Variants in ECM2 observed in about 807,000 individuals in gnomAD.
ECM2 encodes extracellular matrix protein 2, female organ and adipocyte specific.
A neutral mutation model predicts 67.5 loss-of-function variants in ECM2; 57 were observed. That is an observed-to-expected ratio of 0.84 (90% CI 0.68 to 1.05). The LOEUF is 1.05. Ranked by LOEUF, ECM2 falls within the 50% of genes least tolerant of loss-of-function variation. ECM2 has a pLI of 0.00. For synonymous variants in ECM2, 258 were observed against 294.5 expected (o/e 0.88, Z 1.27); for missense variants, 741 against 822.8 (o/e 0.90, Z 1.22).
chr9:92,531,986 C>G lies in ECM2; in HGVS notation c.-28+3947G>C, dbSNP rs561763154. ...TATTTTATTGTTGCCTTCTTCCCACCTACTTTTCTTTTTCTTTTTTTATTT... is the reference window on the plus strand; with the variant it reads ...TATTTTATTGTTGCCTTCTTCCCACGTACTTTTCTTTTTCTTTTTTTATTT... On this transcript the variant is annotated intron_variant, in intron 1 of 9. Coordinates refer to ENST00000344604, the MANE Select transcript of ECM2 (RefSeq NM_001393.4). Among the ~76,000 whole-genome samples, 8 of 130,310 alleles carry G rather than the reference C, an allele frequency of 6.1e-5. No individual in the cohort carries two copies. In the South Asian group the frequency reaches 2.0e-3, roughly 32 times the overall value. 85.5% of individuals were successfully genotyped at this position (130,310 alleles called of 152,430 possible).
chr9:92,500,965 C>G lies in ECM2; in HGVS notation c.1693G>C (p.Gly565Arg). Residue 565 changes from glycine (G) to arginine (R), a missense_variant, in exon 9 of 10, where the codon GGG becomes CGG. Physicochemically the swap from Gly to Arg is moderately radical, Grantham distance 125. Transcript: ENST00000344604. ...CCAGGGATCCGTTCAATCTGGTTCCCAAGGAGTACTAGGTGCAGCAAGGAC... is the reference window on the plus strand; with the variant it reads ...CCAGGGATCCGTTCAATCTGGTTCCGAAGGAGTACTAGGTGCAGCAAGGAC... ...PKSLLHLVLL[G>R]NQIERIPGYV... 6.2e-6 allele frequency: 10 copies of G among 1,614,142 alleles called. No homozygotes were observed. Among genetic ancestry groups the G allele is most frequent in the Non-Finnish European group, 6.8e-6 (8 of 1,180,036 alleles).
chr9:92,509,737 T>G (rs147587978), intron 6 of ECM2, among the ~76,000 whole-genome samples, 162 bp downstream of exon 6: 149 of 152,352 alleles, frequency 9.8e-4, no homozygotes, highest in African/African-American at 3.3e-3. Flanking sequence ...ATTTTACGTT[T>G]TACCAGTCAA....
the ECM2 span, among the ~76,000 whole-genome samples, chr9:92,551,783 C>T: frequency 6.6e-6 from 1 of 151,594 alleles, no homozygotes. Flanking sequence ...TTTGGTTTTC[C>T]ATTCCTGAGT....
chr9:92,549,249 G>T, the ECM2 span, among the ~76,000 whole-genome samples: 1 of 152,156 alleles, frequency 6.6e-6, no homozygotes, highest in African/African-American at 2.4e-5. Flanking sequence ...CAAGCAGGCC[G>T]ATTTGGACTT....
rs1846952328 is a variant in ECM2 at position 92,505,587 on chromosome 9, AC to A, written c.1409del (p.Arg470LeufsTer23). Reference sequence around the variant, plus strand: ...TAATTCTAAATTTATTTTTTCCCAGACGCAAGTAGGCTAGGCTCTTCAAAGG... The same window carrying A: ...TAATTCTAAATTTATTTTTTCCCAGAGCAAGTAGGCTAGGCTCTTCAAAGG... ...FKPLKSLAYL[R>X]LGKNKFRIIP... On this transcript the variant is annotated frameshift_variant, in exon 7 of 10. Coordinates refer to ENST00000344604, the MANE Select transcript of ECM2 (RefSeq NM_001393.4). LOFTEE classifies it high-confidence loss of function. The A allele has an allele frequency of 6.2e-7, 1 of 1,608,786 alleles. No homozygotes were observed. The highest frequency in any genetic ancestry group is 1.3e-5 in the African/African-American group (1 of 74,634).
rs1358635793 is a variant in ECM2 at position 92,532,020 on chromosome 9, TTTTTTTTTATTTTA to T, written c.-28+3899_-28+3912del. 5.3e-3 allele frequency among the ~76,000 whole-genome samples: 674 copies of T among 127,496 alleles called. 158 individuals carry two copies. The highest frequency in any genetic ancestry group is 0.021 in the African/African-American group (579 of 27,854). 83.6% of individuals were successfully genotyped at this position (127,496 alleles called of 152,430 possible). On this transcript the variant is annotated intron_variant, in intron 1 of 9. Transcript: ENST00000344604. ...TTTTTCTTTTTTTATTTAATGTTTT[TTTTTTTTTATTTTA>T]TTTTTTTTTTGAGATGAGGTCTCAC...
the ECM2 span, among the ~76,000 whole-genome samples, chr9:92,557,706 G>C: frequency 3.3e-5 from 5 of 152,096 alleles, no homozygotes; most frequent in Non-Finnish European, 7.3e-5. Flanking sequence ...GCAGTGGCAC[G>C]ATCTCGTCTC....
intron 6 of ECM2, among the ~76,000 whole-genome samples, chr9:92,506,258 G>T (rs1036462563): frequency 5.9e-5 from 9 of 152,170 alleles, no homozygotes; most frequent in African/African-American, 1.9e-4. Context: ...CCAGAACAGT[G>T]AATTCCCATC....
chr9:92,550,885 C>T, the ECM2 span, among the ~76,000 whole-genome samples: 1 of 152,148 alleles, frequency 6.6e-6, no homozygotes, highest in Admixed American at 6.5e-5. Context: ...GCCCGCCACA[C>T]TTTTCTACCC....
chr9:92,502,568 G>A lies in ECM2; in HGVS notation c.1549C>T (p.Arg517Cys), dbSNP rs779012819. 2.5e-5 allele frequency: 40 copies of A among 1,612,134 alleles called. No individual in the cohort carries two copies. Among genetic ancestry groups the A allele is most frequent in the South Asian group, 2.4e-4 (22 of 90,820 alleles). Residue 517 changes from arginine (R) to cysteine (C), a missense_variant, in exon 8 of 10, where the codon CGT becomes TGT. By Grantham distance (180) the Arg-to-Cys change is radical (BLOSUM62 -3). Transcript: ENST00000344604. Reference protein sequence around the residue: ...HTRKINVIVLRYNKIEENRIA... With the variant: ...HTRKINVIVLCYNKIEENRIA... Reference sequence around the variant, plus strand: ...CTATTTTCTTCAATTTTGTTATAACGTAGTACAATGACATTGATCTTTCTG... The same window carrying A: ...CTATTTTCTTCAATTTTGTTATAACATAGTACAATGACATTGATCTTTCTG...
chr9:92,501,395 G>A (rs1465010113), intron 8 of ECM2, among the ~76,000 whole-genome samples: 2 of 152,138 alleles, frequency 1.3e-5, no homozygotes, highest in African/African-American at 2.4e-5. Flanking sequence ...ATGAAATCCC[G>A]TGAATCCCAG....
intron 1 of ECM2, among the ~76,000 whole-genome samples, chr9:92,523,874 A>G (rs1848226132): frequency 6.6e-6 from 1 of 152,208 alleles, no homozygotes; most frequent in Admixed American, 6.5e-5. Context: ...TCCTCCTCAG[A>G]GACCTCTTGT....
chr9:92,521,457 A>G (rs1848064162), intron 2 of ECM2, among the ~76,000 whole-genome samples: 1 of 152,114 alleles, frequency 6.6e-6, no homozygotes, highest in African/African-American at 2.4e-5. Context: ...TATTTTCAGG[A>G]TAATTGTATA....
chr9:92,499,194 A>G (rs1400874604), intron 9 of ECM2, among the ~76,000 whole-genome samples: 2 of 152,254 alleles, frequency 1.3e-5, no homozygotes, highest in Non-Finnish European at 2.9e-5. Flanking sequence ...AACTGCTTAC[A>G]TGAAAGCCTA....
the ECM2 span, among the ~76,000 whole-genome samples, chr9:92,553,857 GCAAA>G: frequency 6.6e-6 from 1 of 152,136 alleles, no homozygotes; most frequent in Admixed American, 6.5e-5. Context: ...CATATTGTCA[GCAAA>G]CAGTGACAGT....
intron 3 of ECM2, among the ~76,000 whole-genome samples, chr9:92,515,854 G>C (rs570244829): frequency 3.5e-4 from 54 of 152,272 alleles, no homozygotes; most frequent in African/African-American, 1.3e-3. Flanking sequence ...CTGGACTTAA[G>C]TGATGTTGCT....
the ECM2 span, among the ~76,000 whole-genome samples, chr9:92,547,175 A>C: frequency 6.6e-6 from 1 of 152,246 alleles, no homozygotes; most frequent in Admixed American, 6.5e-5. Context: ...TTTTGATAAA[A>C]TTCAACAGCC....
At chr9:92,523,748 C>G (rs950959268) in intron 1 of ECM2, among the ~76,000 whole-genome samples, 1 of 152,172 alleles carries the variant, frequency 6.6e-6, no homozygotes, top group African/African-American at 2.4e-5. Context: ...GGAGCCTGTA[C>G]GTCTGTCCAC....
the ECM2 span, among the ~76,000 whole-genome samples, chr9:92,556,679 C>T: frequency 6.6e-6 from 1 of 152,126 alleles, no homozygotes; most frequent in African/African-American, 2.4e-5. Flanking sequence ...TGTCTATTTG[C>T]ATGAAATGCC....
Sources: allele counts gnomAD v4.1 joint callset (sites outside exome capture counted in the v4.1 genomes callset), GRCh38; gene constraint gnomAD v4.1.1; transcripts MANE v1.5; gene names NCBI Gene and HGNC (gene_info 2026-07-23, HGNC 2026-07-21).